DECR1: variants seen among roughly 807,000 people sequenced by gnomAD.
DECR1 encodes the protein 2,4-dienoyl-CoA reductase [(3E)-enoyl-CoA-producing], mitochondrial.
A neutral mutation model predicts 38.8 loss-of-function variants in DECR1; 44 were observed. That is an observed-to-expected ratio of 1.13 (90% CI 0.89 to 1.46). The LOEUF (loss-of-function observed/expected upper bound fraction) is 1.46. Among genes scored for constraint, DECR1 ranks in the 40% most tolerant of loss-of-function variants. The pLI, the probability that DECR1 is intolerant of heterozygous loss-of-function variation, is 0.00. For missense variants in DECR1, 428 were observed against 405.5 expected, an observed-to-expected ratio of 1.06 and a Z score of -0.48; for synonymous variants, 148 against 135.2, an observed-to-expected ratio of 1.09 and a Z score of -0.66.
At chr8:90,027,329 G>A (rs966165714) in intron 5 of DECR1, among the ~76,000 whole-genome samples, 4 of 152,122 alleles carry the variant, frequency 2.6e-5, no homozygotes, top group African/African-American at 9.7e-5. Flanking sequence ...GGTTGTTAAA[G>A]TCTCCCATTA....
In DECR1 at chr8:90,001,511, GTT is replaced by G; in HGVS notation, c.22_23del (p.Phe8LeufsTer29). Reference sequence around the variant, plus strand: ...ACTCAACATGAAGCTACCGGCCAGGGTTTTCTTTACTCTGGGGTCCCGGCTGC... The same window carrying G: ...ACTCAACATGAAGCTACCGGCCAGGGTTCTTTACTCTGGGGTCCCGGCTGC... MKLPAR[V>X]FFTLGSRLPC... is the part of the protein sequence containing the mutation. On this transcript the variant is annotated frameshift_variant, in exon 1 of 10. Coordinates refer to ENST00000220764, the MANE Select transcript of DECR1 (RefSeq NM_001359.2). LOFTEE classifies it high-confidence loss of function. 1 of 1,614,042 alleles carries G rather than the reference GTT, an allele frequency of 6.2e-7. No homozygotes were observed. Among genetic ancestry groups the G allele is most frequent in the Non-Finnish European group, 8.5e-7 (1 of 1,179,920 alleles).
intron 1 of DECR1, chr8:90,005,795 G>C (rs1812723570): frequency 3.3e-6 from 1 of 302,774 alleles, no homozygotes; most frequent in African/African-American, 2.2e-5. Context: ...GTTCAAGACT[G>C]GGCATCTGCA....
intron 1 of DECR1, among the ~76,000 whole-genome samples, chr8:90,014,615 C>T (rs892662495): frequency 1.2e-4 from 18 of 152,072 alleles, no homozygotes; most frequent in African/African-American, 4.1e-4. Context: ...ATCCTTTTCT[C>T]TACCAGTGAG....
chr8:90,012,653 A>T (rs891899639), intron 1 of DECR1, among the ~76,000 whole-genome samples: 1 of 152,216 alleles, frequency 6.6e-6, no homozygotes, highest in Non-Finnish European at 1.5e-5. Flanking sequence ...ATTAAGTAAG[A>T]CAAGCATTTA....
At chr8:90,015,497 T>C (rs1021137086) in intron 1 of DECR1, 2 of 356,474 alleles carry the variant, frequency 5.6e-6, no homozygotes, top group Non-Finnish European at 1.1e-5. Context: ...TTCTTTTTTT[T>C]CATTTAACAT....
intron 1 of DECR1, chr8:90,005,255 T>A: frequency 2.2e-6 from 1 of 447,928 alleles, no homozygotes; most frequent in Non-Finnish European, 4.5e-6. Flanking sequence ...GGGCTTTTCT[T>A]ATTTATGTAG....
chr8:90,015,475 C>T (rs1812984896), intron 1 of DECR1: 1 of 320,150 alleles, frequency 3.1e-6, no homozygotes, highest in South Asian at 2.6e-5. Context: ...TAAAAACATA[C>T]TGTATATTTG....
rs931976451 is a variant in DECR1 at position 90,013,391 on chromosome 8, C to G, written c.70-3733C>G. Among the ~76,000 whole-genome samples the G allele has an allele frequency of 2.7e-5, 3 of 109,562 alleles. No individual in the cohort carries two copies. In the Admixed American group the frequency reaches 3.1e-4, roughly 11 times the overall value. The allele number at this position is 109,562 out of a possible 152,430, so 71.9% of individuals were successfully genotyped here. ...TGGTTCCAAAATAAAAGCCTTGCCT[C>G]TTCTTTCGTTTTTTTTTTTTTTTTT... On this transcript the variant is annotated intron_variant, in intron 1 of 9. Coordinates refer to ENST00000220764, the MANE Select transcript of DECR1 (RefSeq NM_001359.2).
At chr8:90,002,604 A>G (rs189254946) in intron 1 of DECR1, among the ~76,000 whole-genome samples, 8 of 152,358 alleles carry the variant, frequency 5.3e-5, no homozygotes, top group African/African-American at 1.9e-4. Flanking sequence ...TTAATATGTC[A>G]ACTGTGAAAA....
chr8:90,018,775 A>T, intron 2 of DECR1, 134 bp from the exon 3 acceptor site: 1 of 710,958 alleles, frequency 1.4e-6, no homozygotes, highest in Non-Finnish European at 2.4e-6. Flanking sequence ...GAAAAAATTC[A>T]CATTGATTTT....
rs777891953 is a variant in DECR1, at chr8:90,053,061, A to C, written c.*1164A>C. 3.3e-5 allele frequency among the ~76,000 whole-genome samples: 5 copies of C among 152,192 alleles called. No individual in the cohort carries two copies. The highest frequency in any genetic ancestry group is 7.4e-5 in the Non-Finnish European group (5 of 68,022). The stretch of plus-strand genomic sequence containing the variant: ...AATAAGTGGCCCAACATTTCCAATT[A>C]TACTGACTTTCACTGGGCTTTTTTT... On this transcript the variant is annotated 3_prime_UTR_variant, in exon 10 of 10. Coordinates refer to ENST00000220764, the MANE Select transcript of DECR1 (RefSeq NM_001359.2).
At chr8:90,009,001 G>T (rs909065548) in intron 1 of DECR1, among the ~76,000 whole-genome samples, 3 of 152,096 alleles carry the variant, frequency 2.0e-5, no homozygotes, top group African/African-American at 7.2e-5. Flanking sequence ...ACACTCCATG[G>T]CAGCCAGAAC....
intron 6 of DECR1, 112 bp from the exon 7 acceptor site, chr8:90,042,616 G>A (rs999167549): frequency 1.2e-6 from 1 of 844,518 alleles, no homozygotes; most frequent in South Asian, 1.4e-5. Context: ...GTACCTACCT[G>A]TTGGGGTTGT....
chr8:90,038,454 C>CTTTTT (rs759045189), intron 6 of DECR1, among the ~76,000 whole-genome samples: 2 of 111,724 alleles, frequency 1.8e-5, no homozygotes, highest in Non-Finnish European at 3.6e-5. Flanking sequence ...CATCGCGGGC[C>CTTTTT]TTTTTTTTTT....
intron 4 of DECR1, 129 bp downstream of exon 4, chr8:90,019,301 G>C: frequency 1.4e-6 from 1 of 732,696 alleles, no homozygotes; most frequent in Non-Finnish European, 2.3e-6. Context: ...GGCTTAGCCT[G>C]GGAAGGTTCT....
At chr8:90,004,447 T>C (rs2129990104) in intron 1 of DECR1, among the ~76,000 whole-genome samples, 1 of 152,294 alleles carries the variant, frequency 6.6e-6, no homozygotes, top group Non-Finnish European at 1.5e-5. Flanking sequence ...GTTAACAAAG[T>C]AAGATATGAC....
At chr8:90,036,059 T>C (rs1813610321) in intron 5 of DECR1, among the ~76,000 whole-genome samples, 1 of 152,144 alleles carries the variant, frequency 6.6e-6, no homozygotes, top group Non-Finnish European at 1.5e-5. Flanking sequence ...AGTTGTTCTT[T>C]GCCTGGCCTC....
At chr8:90,035,121 T>A (rs1813587757) in intron 5 of DECR1, among the ~76,000 whole-genome samples, 1 of 152,168 alleles carries the variant, frequency 6.6e-6, no homozygotes, top group Non-Finnish European at 1.5e-5. Flanking sequence ...TTATTGCTTA[T>A]TTTTACCTTT....
At chr8:90,044,748 AGCTGCATGGCAGCATGCCATTT>A in intron 7 of DECR1, 79 bp from the exon 8 acceptor site, 1 of 1,246,282 alleles carries the variant, frequency 8.0e-7, no homozygotes, top group Non-Finnish European at 1.1e-6. Flanking sequence ...TAAGGTTTTA[AGCTGCATGGCAGCATGCCATTT>A]TATACACATT....
Sources: gnomAD v4.1 joint callset for allele counts (sites outside exome capture counted in the v4.1 genomes callset) on GRCh38, gnomAD v4.1.1 for gene constraint, MANE v1.5 for transcripts, NCBI Gene and HGNC (gene_info 2026-07-23, HGNC 2026-07-21) for gene names.